The following MATN2 variants were observed in gnomAD, a reference collection of about 807,000 sequenced individuals.
The protein encoded by MATN2 is matrilin-2.
In MATN2, 69 loss-of-function variants were observed where a neutral mutation model predicts 103.2. The ratio of observed to expected loss-of-function variants is 0.67; its 90% CI spans 0.55 to 0.82. The LOEUF is 0.82. Among genes scored for constraint, MATN2 ranks in the 40% least tolerant of loss-of-function variants. The pLI, the probability that MATN2 is intolerant of heterozygous loss-of-function variation, is 0.00. For missense variants in MATN2, 1,023 were observed against 1,211.5 expected (o/e 0.84, Z 2.31); for synonymous variants, 429 against 450.2 (o/e 0.95, Z 0.60).
intron 1 of MATN2, among the ~76,000 whole-genome samples, chr8:97,877,294 A>G (rs1302167982): frequency 6.6e-6 from 1 of 151,968 alleles, no homozygotes; most frequent in East Asian, 2.0e-4. Context: ...CCTGACCAAC[A>G]TGGAGAAACC....
chr8:97,971,894 T>C (rs1349770896), intron 5 of MATN2, among the ~76,000 whole-genome samples: 2 of 100,880 alleles, frequency 2.0e-5, no homozygotes, highest in African/African-American at 6.2e-5. Flanking sequence ...CATTTTTGCT[T>C]ATTAAAAAAA....
At chr8:98,003,631 T>G in intron 7 of MATN2, 30 bp from the exon 8 acceptor site, 1 of 1,612,916 alleles carries the variant, frequency 6.2e-7, no homozygotes, top group Non-Finnish European at 8.5e-7. Flanking sequence ...GTCCAGAGTC[T>G]GAAGGAAGGT....
At chr8:97,992,881 T>C (rs1438577954) in intron 6 of MATN2, among the ~76,000 whole-genome samples, 4 of 151,110 alleles carry the variant, frequency 2.6e-5, no homozygotes, top group African/African-American at 4.9e-5. Context: ...GATTGCGACA[T>C]TGCGCTTCAG....
chr8:97,952,386 G>A (rs1385658533), intron 4 of MATN2: 1 of 152,274 alleles, frequency 6.6e-6, no homozygotes, highest in East Asian at 1.9e-4. Context: ...GTGCAGTGCA[G>A]CTTGTCTAAA....
intron 6 of MATN2, among the ~76,000 whole-genome samples, chr8:97,994,261 G>GGAAAAAGGAGAA (rs1554612743): frequency 1.9e-4 from 28 of 147,996 alleles, no homozygotes; most frequent in African/African-American, 7.0e-4. Context: ...GGAGGAGGAG[G>GGAAAAAGGAGAA]GAAGAAGGAG....
At chr8:97,979,231 A>C (rs1051576723) in intron 6 of MATN2, among the ~76,000 whole-genome samples, 3 of 152,318 alleles carry the variant, frequency 2.0e-5, no homozygotes, top group East Asian at 1.9e-4. Context: ...TGAAGGCACC[A>C]TGTGTAGGAC....
intron 2 of MATN2, among the ~76,000 whole-genome samples, chr8:97,909,093 C>T (rs1278881293): frequency 6.6e-6 from 1 of 152,224 alleles, no homozygotes; most frequent in East Asian, 1.9e-4. Flanking sequence ...TGTGCACCAC[C>T]ATGCCCAGAT....
At chr8:97,999,728 T>G in intron 7 of MATN2, among the ~76,000 whole-genome samples, 1 of 152,112 alleles carries the variant, frequency 6.6e-6, no homozygotes, top group East Asian at 1.9e-4. Context: ...AGCAAGGTGA[T>G]GTCTTTTCTT....
chr8:97,882,929 A>G (rs1054497083), intron 1 of MATN2, among the ~76,000 whole-genome samples: 1 of 152,082 alleles, frequency 6.6e-6, no homozygotes, highest in African/African-American at 2.4e-5. Flanking sequence ...TCATCCGTGT[A>G]TCTTCTTTGG....
At chr8:97,933,742 C>G (rs1205624213) in intron 3 of MATN2, among the ~76,000 whole-genome samples, 1 of 152,062 alleles carries the variant, frequency 6.6e-6, no homozygotes, top group African/African-American at 2.4e-5. Flanking sequence ...CCCTGTGAGT[C>G]CCCCCATCCA....
At chr8:98,003,860 A>T (rs769901828) in intron 8 of MATN2, 77 bp downstream of exon 8, 1 of 1,574,872 alleles carries the variant, frequency 6.3e-7, no homozygotes, top group African/African-American at 1.3e-5. Flanking sequence ...ACTAGCAACC[A>T]GTTATTTCTG....
At chr8:97,945,820 G>C (rs532576565) in intron 4 of MATN2, among the ~76,000 whole-genome samples, 1 of 151,722 alleles carries the variant, frequency 6.6e-6, no homozygotes, top group African/African-American at 2.4e-5. Context: ...AATGGTGATG[G>C]ACCTTGGCTA....
intron 1 of MATN2, among the ~76,000 whole-genome samples, chr8:97,877,678 T>C (rs1818122147): frequency 6.6e-6 from 1 of 152,010 alleles, no homozygotes; most frequent in African/African-American, 2.4e-5. Context: ...ATAAATGCAA[T>C]TCCACCTGCA....
intron 17 of MATN2, 67 bp from the exon 18 acceptor site, chr8:98,033,494 C>A: frequency 1.2e-6 from 1 of 814,900 alleles, no homozygotes; most frequent in Non-Finnish European, 1.9e-6. Context: ...CTGATTCATT[C>A]CTATTATTAT....
rs568413960 is a variant in MATN2 at position 97,982,581 on chromosome 8, T to A, written c.1081+3573T>A. On this transcript the variant is annotated intron_variant, in intron 6 of 18. Transcript: ENST00000254898. The surrounding 1 kb of genome is among the most constrained non-coding windows in gnomAD (Gnocchi z 4.3). ...TATCTCAAAAAGGTAGACTAGTCAA[T>A]GTAATAAACCAAGCATGGTTAATTT... Among the ~76,000 whole-genome samples, 156 of 152,330 alleles carry A rather than the reference T, an allele frequency of 1.0e-3. 4 individuals are homozygous for A. In the South Asian group the frequency reaches 0.017, roughly 16 times the overall value.
chr8:98,025,196 C>T (rs906945355), intron 13 of MATN2: 1 of 151,940 alleles, frequency 6.6e-6, no homozygotes, highest in Admixed American at 6.6e-5. Flanking sequence ...AATAAAAGAT[C>T]GATAGGTTGA....
chr8:97,941,700 G>T, intron 3 of MATN2, 77 bp from the exon 4 acceptor site: 1 of 1,504,630 alleles, frequency 6.6e-7, no homozygotes, highest in South Asian at 1.2e-5. Flanking sequence ...AGTAGGCACT[G>T]AATAAATGCT....
chr8:97,952,703 C>G lies in MATN2; in HGVS notation c.836-8705C>G, dbSNP rs113954520. 1.6e-3 allele frequency among the ~76,000 whole-genome samples: 248 copies of G among 152,222 alleles called. 2 individuals carry two copies. Among genetic ancestry groups the G allele is most frequent in the African/African-American group, 5.6e-3 (231 of 41,544 alleles). On this transcript the variant is annotated intron_variant, in intron 4 of 18. Transcript: ENST00000254898. ...TATCCCTCTTAAAATTCTCCAGGCA[C>G]TGAAACAAGCGAGCAGATTTTGCTG...
At chr8:97,971,945 C>T (rs1481062379) in intron 5 of MATN2, among the ~76,000 whole-genome samples, 1 of 151,592 alleles carries the variant, frequency 6.6e-6, no homozygotes, top group Non-Finnish European at 1.5e-5. Flanking sequence ...CCTGTAATCC[C>T]AGCACTTCGG....
Sources: gnomAD v4.1 joint callset for allele counts (sites outside exome capture counted in the v4.1 genomes callset) on GRCh38, gnomAD v4.1.1 for gene constraint, Gnocchi (gnomAD v3.1) non-coding constraint, MANE v1.5 for transcripts, NCBI Gene and HGNC (gene_info 2026-07-23, HGNC 2026-07-21) for gene names.